The following ERBIN variants were observed in gnomAD, a reference collection of about 807,000 sequenced individuals.
The protein encoded by ERBIN is erbb2 interacting protein.
In ERBIN, 60 loss-of-function variants were observed where a neutral mutation model predicts 158.4. That is an observed-to-expected ratio of 0.38 (90% CI 0.31 to 0.47). The LOEUF is 0.47. ERBIN is among the 20% of genes least tolerant of loss of function. The probability of loss-of-function intolerance (pLI) is 0.99; values close to 1 mark genes in which losing one functional copy is unlikely to be tolerated. For missense variants in ERBIN, 1,610 were observed against 1,648.0 expected (o/e 0.98, Z 0.40); for synonymous variants, 594 against 557.2 (o/e 1.07, Z -0.93).
At chr5:65,950,540 T>C (rs562417803) in intron 1 of ERBIN, among the ~76,000 whole-genome samples, 3 of 152,318 alleles carry the variant, frequency 2.0e-5, no homozygotes, top group African/African-American at 7.2e-5. Context: ...GATTTGAACT[T>C]TGATCACTTG....
At chr5:65,978,546 T>C (rs1274665948) in intron 1 of ERBIN, among the ~76,000 whole-genome samples, 1 of 152,362 alleles carries the variant, frequency 6.6e-6, no homozygotes, top group East Asian at 1.9e-4. Context: ...ATTTCAGAAA[T>C]AACAAGAGTT....
intron 25 of ERBIN, 36 bp downstream of exon 25, chr5:66,076,985 A>G (rs1310193201): frequency 7.3e-7 from 1 of 1,375,484 alleles, no homozygotes; most frequent in Admixed American, 1.8e-5. Context: ...TTCATTTTAT[A>G]ACACTCTAAT....
chr5:65,967,802 TGGGTCTGG>T (rs1748828307), intron 1 of ERBIN, among the ~76,000 whole-genome samples: 3 of 152,244 alleles, frequency 2.0e-5, no homozygotes, highest in Non-Finnish European at 4.4e-5. Flanking sequence ...TTACCTATCA[TGGGTCTGG>T]GGCTCATCTT....
intron 14 of ERBIN, among the ~76,000 whole-genome samples, chr5:66,037,845 C>G (rs997735885): frequency 6.6e-6 from 1 of 151,944 alleles, no homozygotes; most frequent in Non-Finnish European, 1.5e-5. Flanking sequence ...ACTCCACCAC[C>G]GAGTGACTTA....
At chr5:66,033,982 G>A (rs367776244) in intron 14 of ERBIN, among the ~76,000 whole-genome samples, 1 of 152,010 alleles carries the variant, frequency 6.6e-6, no homozygotes, top group Non-Finnish European at 1.5e-5. Flanking sequence ...GGTGGCGTGT[G>A]CCTGTAGCCC....
chr5:65,965,379 G>GTTTTTTTTTTTTTTTT (rs1561304820), intron 1 of ERBIN, among the ~76,000 whole-genome samples: 9 of 103,662 alleles, frequency 8.7e-5, no homozygotes, highest in East Asian at 9.6e-4. Context: ...TTTGTTTTTT[G>GTTTTTTTTTTTTTTTT]TTGTTTTTTT....
At chr5:66,060,452 A>G (rs1213512865) in intron 21 of ERBIN, among the ~76,000 whole-genome samples, 1 of 152,114 alleles carries the variant, frequency 6.6e-6, no homozygotes, top group Admixed American at 6.5e-5. Context: ...TAGTCTTGCT[A>G]GCAGTCTATC....
At chr5:65,928,652 C>CAG (rs1742982380) in intron 1 of ERBIN, among the ~76,000 whole-genome samples, 2 of 152,112 alleles carry the variant, frequency 1.3e-5, no homozygotes, top group South Asian at 4.1e-4. Context: ...TGTTTCGATG[C>CAG]AGACAACACG....
chr5:65,955,269 A>C (rs1295162744), intron 1 of ERBIN, among the ~76,000 whole-genome samples: 1 of 152,210 alleles, frequency 6.6e-6, no homozygotes, highest in Non-Finnish European at 1.5e-5. Context: ...CTGAATTAGA[A>C]ACACTGAATT....
chr5:65,950,316 C>T (rs1746346900), intron 1 of ERBIN, among the ~76,000 whole-genome samples: 1 of 152,186 alleles, frequency 6.6e-6, no homozygotes, highest in African/African-American at 2.4e-5. Context: ...TTCCTCCAAT[C>T]TGACAATTTC....
chr5:66,015,237 C>G (rs1344515822), intron 7 of ERBIN, among the ~76,000 whole-genome samples: 1 of 152,048 alleles, frequency 6.6e-6, no homozygotes, highest in Non-Finnish European at 1.5e-5. Context: ...ATAAAAGAAA[C>G]AGGTCTACAA....
At chr5:65,977,958 G>GGGGAGAGGGAGGGGGAGA (rs1750203059) in intron 1 of ERBIN, among the ~76,000 whole-genome samples, 1 of 145,856 alleles carries the variant, frequency 6.9e-6, no homozygotes, top group South Asian at 2.2e-4. Context: ...GAGAGGGTTA[G>GGGGAGAGGGAGGGGGAGA]GGGAGAGGGA....
At chr5:66,015,877 A>G (rs1033877302) in intron 7 of ERBIN, among the ~76,000 whole-genome samples, 2 of 152,210 alleles carry the variant, frequency 1.3e-5, no homozygotes, top group African/African-American at 4.8e-5. Context: ...TTGAGAAGGA[A>G]AACATCTCCA....
chr5:65,931,385 C>T (rs1743355485), intron 1 of ERBIN, among the ~76,000 whole-genome samples: 1 of 152,156 alleles, frequency 6.6e-6, no homozygotes, highest in South Asian at 2.1e-4. Flanking sequence ...AGAAAATAAT[C>T]TGGGACAACT....
intron 14 of ERBIN, 24 bp from the exon 15 acceptor site, chr5:66,038,359 T>G (rs567523774): frequency 2.0e-6 from 3 of 1,480,216 alleles, no homozygotes; most frequent in South Asian, 1.2e-5. Context: ...TATTGAAAAT[T>G]AAGCATTTAT....
chr5:66,026,236 G>A (rs1756237573), intron 12 of ERBIN, 66 bp from the exon 13 acceptor site: 1 of 985,314 alleles, frequency 1.0e-6, no homozygotes, highest in African/African-American at 1.7e-5. Context: ...CAAAAATGAT[G>A]TTTTTTATAT....
At chr5:66,021,113 T>C (rs6867227) in intron 7 of ERBIN, among the ~76,000 whole-genome samples, 2,494 of 151,896 alleles carry the variant, frequency 0.016, 74 homozygotes, top group African/African-American at 0.057. Context: ...AAAAGACCAA[T>C]GAGAAGGCAA....
At chr5:66,032,395 T>G (rs1405120263) in intron 14 of ERBIN, among the ~76,000 whole-genome samples, 3 of 152,172 alleles carry the variant, frequency 2.0e-5, no homozygotes, top group Non-Finnish European at 4.4e-5. Flanking sequence ...TTGTCCCTAA[T>G]AGGACACTTT....
At chr5:66,039,044 G>T (rs76933952) in intron 15 of ERBIN, among the ~76,000 whole-genome samples, 2,485 of 151,732 alleles carry the variant, frequency 0.016, 73 homozygotes, top group African/African-American at 0.057. Flanking sequence ...GTGTGTGTGT[G>T]TTTATTGTGT....
Sources: allele counts gnomAD v4.1 joint callset (sites outside exome capture counted in the v4.1 genomes callset), GRCh38; gene constraint gnomAD v4.1.1; transcripts MANE v1.5; gene names NCBI Gene and HGNC (gene_info 2026-07-23, HGNC 2026-07-21).